KEL: variants seen among roughly 807,000 people sequenced by gnomAD.
The protein encoded by KEL is kell blood group glycoprotein.
A neutral mutation model predicts 99.5 loss-of-function variants in KEL; 96 were observed. That is an observed-to-expected ratio of 0.97 (90% confidence interval 0.82 to 1.14). KEL has a LOEUF of 1.14. Among genes scored for constraint, KEL ranks in the 50% most tolerant of loss-of-function variants. KEL has a pLI of 0.00. For synonymous variants in KEL, 355 were observed against 354.8 expected (o/e 1.00, Z -0.01); for missense variants, 926 against 924.2 (o/e 1.00, Z -0.03).
chr7:142,961,782 G>C lies in KEL; in HGVS notation c.81+13C>G. ...ATCAGTGTATTCCAGACCCAGGAGA[G>C]GAGGCCACTTACCTCTTGGCTCCAG... On this transcript the variant is annotated intron_variant, in intron 2 of 18. Coordinates refer to ENST00000355265, the MANE Select transcript of KEL (RefSeq NM_000420.3). The C allele has an allele frequency of 6.2e-7, 1 of 1,609,352 alleles. No individual in the cohort carries two copies. Among genetic ancestry groups the C allele is most frequent in the Non-Finnish European group, 8.5e-7 (1 of 1,175,676 alleles).
At position 142,961,638 on chromosome 7, in the gene KEL, C is replaced by G. The variant is rs1237829305; in HGVS notation, c.82-137G>C. ...TAATTATCCCAATTCTTCCTAAACCCAGCCCTACTTTAACTCCTGGGAGAT... is the reference window on the plus strand; with the variant it reads ...TAATTATCCCAATTCTTCCTAAACCGAGCCCTACTTTAACTCCTGGGAGAT... On this transcript the variant is annotated intron_variant, in intron 2 of 18. Transcript: ENST00000355265. 5 of 1,348,150 alleles carry G rather than the reference C, an allele frequency of 3.7e-6. No homozygotes were observed. The East Asian group carries it at 1.1e-4, about 31-fold the overall frequency. The allele number at this position is 1,348,150 out of a possible 1,614,324, so 83.5% of individuals were successfully genotyped here.
chr7:142,948,178 A>C (rs1307279600), intron 10 of KEL, among the ~76,000 whole-genome samples: 1 of 152,136 alleles, frequency 6.6e-6, no homozygotes, highest in Non-Finnish European at 1.5e-5. Context: ...ACTGGATAAT[A>C]CAATCGCCAC....
Position 142,944,376 on chromosome 7 carries a change from C to T in KEL, c.1438G>A (p.Gly480Arg). 1.2e-6 allele frequency: 2 copies of T among 1,614,014 alleles called. No individual in the cohort carries two copies. The highest frequency in any genetic ancestry group is 2.2e-5 in the South Asian group (2 of 91,074). Reference sequence around the variant, plus strand: ...GGCTTCAGGGCCCATTCTGAAGCCCCCATCTCCACCTGCAGTTGAGCAACC... The same window carrying T: ...GGCTTCAGGGCCCATTCTGAAGCCCTCATCTCCACCTGCAGTTGAGCAACC... ...DKVAQLQVEM[G>R]ASEWALKPEL... Residue 480 changes from glycine to arginine, a missense_variant, in exon 13 of 19, where the codon GGG (glycine) becomes AGG (arginine). Transcript: ENST00000355265.
At chr7:142,942,685 T>C (rs765104481) in intron 17 of KEL, among the ~76,000 whole-genome samples, 156 bp from the exon 18 acceptor site, 3 of 152,310 alleles carry the variant, frequency 2.0e-5, no homozygotes, top group Middle Eastern at 3.4e-3. Flanking sequence ...CCAGAAGACC[T>C]ATAGATGTCC....
intron 4 of KEL, among the ~76,000 whole-genome samples, chr7:142,960,680 A>G (rs183185102): frequency 9.8e-4 from 150 of 152,308 alleles, no homozygotes; most frequent in Non-Finnish European, 1.9e-3. Context: ...GAAAGGGACC[A>G]AGAGAAACGG....
At chr7:142,941,511 C>T in intron 18 of KEL, 98 bp from the exon 19 acceptor site, 1 of 1,226,960 alleles carries the variant, frequency 8.2e-7, no homozygotes, top group Non-Finnish European at 1.1e-6. Context: ...AGAGGGGAAC[C>T]AGGGGATCAA....
At chr7:142,955,195 GATAA>G (rs777475824) in intron 6 of KEL, among the ~76,000 whole-genome samples, 11 of 151,972 alleles carry the variant, frequency 7.2e-5, no homozygotes, top group Non-Finnish European at 1.5e-4. Flanking sequence ...CAGTAATCAA[GATAA>G]ATAATTAACA....
At position 142,961,035 on chromosome 7, in the gene KEL, G is replaced by A. The variant is rs1796943091; in HGVS notation, c.293C>T (p.Ala98Val). ...HYLASGNTSV[A>V]PCTDFFSFAC... ...AAAGCTGAAGAAGTCGGTGCAGGGG[G>A]CCACACTTGTGTTCCCAGAGGCCAG... is the stretch of plus-strand genomic sequence containing the variant. The change falls in exon 4 of 19, where the codon GCC becomes GTC. Residue 98 changes from alanine to valine, a missense_variant. Ala to Val is a moderately conservative substitution (Grantham distance 64). Transcript: ENST00000355265. The A allele has an allele frequency of 1.2e-6, 2 of 1,614,044 alleles. No homozygotes were observed. Among genetic ancestry groups the A allele is most frequent in the African/African-American group, 1.3e-5 (1 of 74,932 alleles).
chr7:142,945,756 G>A (rs1387692780), intron 11 of KEL, among the ~76,000 whole-genome samples: 2 of 152,210 alleles, frequency 1.3e-5, no homozygotes, highest in African/African-American at 4.8e-5. Context: ...GGCCTCCCGA[G>A]TAGCTGGGAT....
At chr7:142,953,287 T>TA (rs1796736270) in intron 9 of KEL, 1 of 892,318 alleles carries the variant, frequency 1.1e-6, no homozygotes, top group Admixed American at 6.2e-5. Context: ...GAAATGCTCT[T>TA]AGACATTGTT....
Position 142,962,246 on chromosome 7 carries a change from A to T in KEL, c.-40T>A, listed in dbSNP as rs768752037. 4.3e-6 allele frequency: 7 copies of T among 1,613,238 alleles called. No homozygotes were observed. The highest frequency in any genetic ancestry group is 5.9e-6 in the Non-Finnish European group (7 of 1,179,544). On this transcript the variant is annotated 5_prime_UTR_variant, in exon 1 of 19. Coordinates refer to ENST00000355265, the MANE Select transcript of KEL (RefSeq NM_000420.3). ...TGGCTCCAGAATCCTTCCTGGTTCC[A>T]CTCTAGGAGCTGATTCGGAGGACTG...
chr7:142,941,924 T>C, intron 18 of KEL: 1 of 165,872 alleles, frequency 6.0e-6, no homozygotes, highest in South Asian at 1.7e-4. Flanking sequence ...TTCTCGTGCC[T>C]CAGCCTCTCA....
chr7:142,958,279 A>G (rs1471525827), intron 5 of KEL, 25 bp downstream of exon 5: 1 of 1,613,918 alleles, frequency 6.2e-7, no homozygotes, highest in African/African-American at 1.3e-5. Flanking sequence ...GTATCCAGAA[A>G]AGTTAATATC....
intron 9 of KEL, chr7:142,953,550 TC>T: frequency 3.0e-6 from 1 of 333,518 alleles, no homozygotes; most frequent in South Asian, 1.2e-4. Context: ...AAACCCCGTG[TC>T]TTGGCTGACC....
intron 9 of KEL, among the ~76,000 whole-genome samples, chr7:142,952,840 A>G (rs1796723702): frequency 6.6e-6 from 1 of 152,212 alleles, no homozygotes; most frequent in African/African-American, 2.4e-5. Context: ...TTAGTAAAAG[A>G]AACTAGATGA....
intron 3 of KEL, 21 bp downstream of exon 3, chr7:142,961,339 G>T: frequency 1.2e-6 from 2 of 1,612,864 alleles, no homozygotes; most frequent in South Asian, 2.2e-5. Context: ...ACTAGGTTAG[G>T]GGGTCTGGGA....
chr7:142,960,852 GT>G (rs1796937539), intron 4 of KEL, 75 bp downstream of exon 4: 1 of 1,398,022 alleles, frequency 7.2e-7, no homozygotes, highest in East Asian at 2.3e-5. Context: ...ACTACACAGG[GT>G]TTGGAGCAGT....
intron 16 of KEL, 70 bp from the exon 17 acceptor site, chr7:142,943,114 G>A: frequency 6.3e-7 from 1 of 1,585,478 alleles, no homozygotes; most frequent in Non-Finnish European, 8.6e-7. Flanking sequence ...GTGAGGATGT[G>A]GGTGGTACCA....
intron 2 of KEL, 128 bp downstream of exon 2, chr7:142,961,667 A>G (rs867502569): frequency 5.4e-6 from 7 of 1,284,584 alleles, no homozygotes; most frequent in Middle Eastern, 3.7e-4. Context: ...GGGAGATGAG[A>G]AAACAAGGAA....
Sources: gnomAD v4.1 joint callset for allele counts (sites outside exome capture counted in the v4.1 genomes callset) on GRCh38, gnomAD v4.1.1 for gene constraint, MANE v1.5 for transcripts, NCBI Gene and HGNC (gene_info 2026-07-23, HGNC 2026-07-21) for gene names.